The following CRCP variants were observed in gnomAD, a reference collection of about 807,000 sequenced individuals.
CRCP encodes CGRP receptor component.
CRCP carries 18 observed loss-of-function variants against 18.5 expected under a neutral mutation model. The ratio of observed to expected loss-of-function variants is 0.97; its 90% CI spans 0.67 to 1.44. The LOEUF (loss-of-function observed/expected upper bound fraction) is 1.44, where lower values mean the gene tolerates loss of function less well. Among genes scored for constraint, CRCP ranks in the 40% most tolerant of loss-of-function variants. The pLI is 0.00. For missense variants in CRCP, 130 were observed against 176.4 expected (o/e 0.74, Z 1.49); for synonymous variants, 53 against 62.9 (o/e 0.84, Z 0.75).
At chr7:66,116,430 A>G (rs1787263501) in intron 1 of CRCP, among the ~76,000 whole-genome samples, 1 of 150,870 alleles carries the variant, frequency 6.6e-6, no homozygotes, top group Non-Finnish European at 1.5e-5. Context: ...AGGAGGCTGC[A>G]ATGAGCTGAG....
In CRCP at chr7:66,134,347, C is replaced by G. The variant is rs1265706587; in HGVS notation, c.212C>G (p.Thr71Arg). The change falls in exon 4 of 6, where the codon ACA becomes AGA. Residue 71 changes from threonine (T) to arginine (R), a missense_variant. By Grantham distance (71) the Thr-to-Arg change is moderately conservative. Coordinates refer to ENST00000395326, the MANE Select transcript of CRCP (RefSeq NM_014478.5). ...CCTGAAATTGTCAGAGAATTTCTCA[C>G]AGCATTGAAAAGCCACAAGTTGACC... Reference protein sequence around the residue: ...QSPEIVREFLTALKSHKLTKA... With the variant: ...QSPEIVREFLRALKSHKLTKA... The G allele has an allele frequency of 6.2e-6, 10 of 1,608,794 alleles. No individual in the cohort carries two copies. The highest frequency in any genetic ancestry group is 8.5e-6 in the Non-Finnish European group (10 of 1,177,954).
rs1435474966 is a variant in CRCP, at chr7:66,154,054, A to G, written c.*1697A>G. On this transcript the variant is annotated 3_prime_UTR_variant, in exon 6 of 6. Transcript: ENST00000395326. ...AGCCTGGCCGACAGGGTGAGACTCC[A>G]TCTCAAAAAAGAGAAAGTACCAGAT... The G allele has an allele frequency of 1.3e-5, 2 of 152,046 alleles. No homozygotes were observed. Among genetic ancestry groups the G allele is most frequent in the Non-Finnish European group, 2.9e-5 (2 of 68,044 alleles). The allele number at this position is 152,046 out of a possible 1,614,324, so 9.4% of individuals were successfully genotyped here.
chr7:66,145,331 C>T lies in CRCP; in HGVS notation c.240-112C>T, dbSNP rs977472834. The T allele has an allele frequency of 4.8e-6, 5 of 1,047,218 alleles. No individual in the cohort carries two copies. In the African/African-American group the frequency reaches 7.8e-5, roughly 16 times the overall value. 64.9% of individuals were successfully genotyped at this position (1,047,218 alleles called of 1,614,324 possible). A position where few individuals can be genotyped will look rare whatever the true frequency, so the allele number is the denominator to read the frequency against. ...TTACAGTTGAAGGAACTGAGGGCCACACTCCAGTGGTTCTCCCATTTTTTA... is the reference window on the plus strand; with the variant it reads ...TTACAGTTGAAGGAACTGAGGGCCATACTCCAGTGGTTCTCCCATTTTTTA... On this transcript the variant is annotated intron_variant, in intron 4 of 5. Transcript: ENST00000395326.
At chr7:66,151,639 C>T (rs189309234) in intron 5 of CRCP, among the ~76,000 whole-genome samples, 31 of 141,920 alleles carry the variant, frequency 2.2e-4, no homozygotes, top group Admixed American at 3.6e-4. Context: ...TTAACTTCTT[C>T]GAGATGCATA....
At chr7:66,148,449 TA>T (rs1788363113) in intron 5 of CRCP, among the ~76,000 whole-genome samples, 1 of 152,200 alleles carries the variant, frequency 6.6e-6, no homozygotes, top group Non-Finnish European at 1.5e-5. Flanking sequence ...ATATTAACAC[TA>T]GAGCCATTTT....
At chr7:66,147,559 A>T (rs78627076) in intron 5 of CRCP, among the ~76,000 whole-genome samples, 5 of 152,156 alleles carry the variant, frequency 3.3e-5, no homozygotes, top group African/African-American at 1.2e-4. Flanking sequence ...CTTGTGCTTG[A>T]TGAGAAGAAA....
chr7:66,133,434 G>C (rs1011539975), intron 3 of CRCP, among the ~76,000 whole-genome samples: 8 of 152,026 alleles, frequency 5.3e-5, no homozygotes, highest in Non-Finnish European at 1.0e-4. Flanking sequence ...TGTGAACCCA[G>C]GAGGCGGAGC....
At chr7:66,132,816 C>A in intron 3 of CRCP, among the ~76,000 whole-genome samples, 1 of 151,866 alleles carries the variant, frequency 6.6e-6, no homozygotes, top group East Asian at 1.9e-4. Flanking sequence ...GAGGCTGAGG[C>A]AGGAGAATGG....
chr7:66,116,512 G>C (rs917046906), intron 1 of CRCP, among the ~76,000 whole-genome samples: 1 of 146,040 alleles, frequency 6.8e-6, no homozygotes, highest in Non-Finnish European at 1.5e-5. Flanking sequence ...AAAAAAAATT[G>C]AACCACTGAA....
intron 5 of CRCP, among the ~76,000 whole-genome samples, chr7:66,147,208 G>T (rs1788324163): frequency 6.6e-6 from 1 of 152,108 alleles, no homozygotes; most frequent in Non-Finnish European, 1.5e-5. Flanking sequence ...TGGGCATGAT[G>T]GTGCACACCT....
In CRCP at chr7:66,131,618, A is replaced by G. The variant is rs1039833548; in HGVS notation, c.144+776A>G. 4.6e-5 allele frequency among the ~76,000 whole-genome samples: 7 copies of G among 151,882 alleles called. No individual in the cohort carries two copies. The East Asian group carries it at 1.2e-3, about 25-fold the overall frequency. On this transcript the variant is annotated intron_variant, in intron 3 of 5. Transcript: ENST00000395326. The stretch of plus-strand genomic sequence containing the variant: ...TTAAGGCTATTATTTTTCAAGTTTG[A>G]GATTCCTTCCAAAATATGTAATTAT...
chr7:66,134,815 A>G (rs1787924179), intron 4 of CRCP, among the ~76,000 whole-genome samples: 1 of 152,114 alleles, frequency 6.6e-6, no homozygotes, highest in African/African-American at 2.4e-5. Context: ...GGAATCGGGG[A>G]ACCTGGGCTG....
chr7:66,124,256 A>C (rs1787549722), intron 1 of CRCP, among the ~76,000 whole-genome samples: 1 of 150,246 alleles, frequency 6.7e-6, no homozygotes, highest in African/African-American at 2.4e-5. Context: ...GCTGCTTGGG[A>C]GGCTGAGGCA....
chr7:66,127,724 T>G lies in CRCP; in HGVS notation c.29T>G (p.Leu10Arg). MEVKDANSA[L>R]LSNYEVFQLL... Reference sequence around the variant, plus strand: ...TTCAGGAAGGATGCCAATTCTGCGCTTCTCAGTAACTACGAGGTAAATTGG... The same window carrying G: ...TTCAGGAAGGATGCCAATTCTGCGCGTCTCAGTAACTACGAGGTAAATTGG... The change falls in exon 2 of 6, where the codon CTT becomes CGT. Residue 10 changes from leucine (L) to arginine (R), a missense_variant. By Grantham distance (102) the Leu-to-Arg change is moderately radical. Coordinates refer to ENST00000395326, the MANE Select transcript of CRCP (RefSeq NM_014478.5). 6.2e-7 allele frequency: 1 copy of G among 1,614,216 alleles called. No homozygotes were observed. The highest frequency in any genetic ancestry group is 8.5e-7 in the Non-Finnish European group (1 of 1,180,016).
At chr7:66,129,361 A>G (rs1787719132) in intron 2 of CRCP, among the ~76,000 whole-genome samples, 1 of 152,050 alleles carries the variant, frequency 6.6e-6, no homozygotes, top group South Asian at 2.1e-4. Flanking sequence ...AATTAGCTGG[A>G]CATGGTAGCA....
intron 5 of CRCP, among the ~76,000 whole-genome samples, chr7:66,147,880 A>G (rs1372293342): frequency 6.6e-6 from 1 of 151,816 alleles, no homozygotes; most frequent in East Asian, 1.9e-4. Flanking sequence ...GCAACATAGT[A>G]AGACCCCATC....
intron 4 of CRCP, among the ~76,000 whole-genome samples, chr7:66,140,258 C>T (rs1788094105): frequency 6.6e-6 from 1 of 152,222 alleles, no homozygotes; most frequent in Non-Finnish European, 1.5e-5. Context: ...GGGAAAAAGC[C>T]CCAAGAAACT....
At chr7:66,119,506 A>AT (rs1787368846) in intron 1 of CRCP, 1 of 152,178 alleles carries the variant, frequency 6.6e-6, no homozygotes, top group Non-Finnish European at 1.5e-5. Context: ...TGCTGTCTGA[A>AT]GTAGGGGCAG....
chr7:66,122,870 T>A (rs1787488043), intron 1 of CRCP, among the ~76,000 whole-genome samples: 1 of 152,174 alleles, frequency 6.6e-6, no homozygotes, highest in Non-Finnish European at 1.5e-5. Context: ...GTCCCTGGAC[T>A]TTTTTCTAGA....
Sources: allele counts gnomAD v4.1 joint callset (sites outside exome capture counted in the v4.1 genomes callset), GRCh38; gene constraint gnomAD v4.1.1; transcripts MANE v1.5; gene names NCBI Gene and HGNC (gene_info 2026-07-23, HGNC 2026-07-21).